The following TBC1D19 variants were observed in gnomAD, a reference collection of about 807,000 sequenced individuals.
TBC1D19 encodes TBC1 domain family, member 19.
In TBC1D19, 60 loss-of-function variants were observed where a neutral mutation model predicts 89.0. The ratio of observed to expected loss-of-function variants is 0.67; its 90% CI spans 0.55 to 0.84. TBC1D19 has a LOEUF of 0.84. TBC1D19 is among the 40% of genes least tolerant of loss of function. The pLI is 0.00. For missense variants in TBC1D19, 500 were observed against 610.8 expected, an observed-to-expected ratio of 0.82 and a Z score of 1.91; for synonymous variants, 189 against 199.7, an observed-to-expected ratio of 0.95 and a Z score of 0.45.
intron 14 of TBC1D19, among the ~76,000 whole-genome samples, chr4:26,719,442 C>T (rs1369497276): frequency 6.6e-6 from 1 of 152,030 alleles, no homozygotes; most frequent in Non-Finnish European, 1.5e-5. Context: ...GTTAGAAAAA[C>T]TGTCAAAGTA....
intron 1 of TBC1D19, among the ~76,000 whole-genome samples, chr4:26,601,600 T>A (rs1486032649): frequency 6.6e-6 from 1 of 152,190 alleles, no homozygotes; most frequent in Non-Finnish European, 1.5e-5. Context: ...ATAGGGTATT[T>A]CTAGAGAAAT....
chr4:26,679,270 C>G (rs1713119040), intron 11 of TBC1D19, among the ~76,000 whole-genome samples: 1 of 152,124 alleles, frequency 6.6e-6, no homozygotes, highest in Non-Finnish European at 1.5e-5. Flanking sequence ...TGTGCAGCCT[C>G]AGGACATGGT....
At chr4:26,743,182 G>A (rs553426617) in intron 18 of TBC1D19, among the ~76,000 whole-genome samples, 3 of 151,962 alleles carry the variant, frequency 2.0e-5, no homozygotes. Flanking sequence ...AAAAAAAAAT[G>A]TCTAAAGCAA....
chr4:26,695,757 A>T (rs182520532), intron 13 of TBC1D19, among the ~76,000 whole-genome samples: 45 of 152,308 alleles, frequency 3.0e-4, no homozygotes, highest in Non-Finnish European at 5.0e-4. Flanking sequence ...CCAGACAAAC[A>T]AAGCTTTGTA....
chr4:26,620,651 A>G lies in TBC1D19; in HGVS notation c.257A>G (p.His86Arg). 1.9e-6 allele frequency: 3 copies of G among 1,613,712 alleles called. No individual in the cohort carries two copies. The highest frequency in any genetic ancestry group is 2.5e-6 in the Non-Finnish European group (3 of 1,179,876). ...LPSHPAAPPE[H>R]LKEPLVYMRK... ...AGTCATCCTGCTGCACCTCCTGAAC[A>G]TCTTAAAGAACCTTTGGTATACATG... The change falls in exon 4 of 21, where the codon CAT (histidine) becomes CGT (arginine). Residue 86 changes from histidine (H) to arginine (R), a missense_variant. Physicochemically the swap from His to Arg is conservative, Grantham distance 29 (BLOSUM62 0). Around this residue, in one of 2 missense-constraint regions of TBC1D19, gnomAD observed 280 missense variants for 291.7 expected, o/e 0.96. Coordinates refer to ENST00000264866, the MANE Select transcript of TBC1D19 (RefSeq NM_018317.4).
chr4:26,724,148 G>A (rs1359012156), intron 15 of TBC1D19, among the ~76,000 whole-genome samples: 2 of 152,228 alleles, frequency 1.3e-5, no homozygotes, highest in Admixed American at 1.3e-4. Context: ...AAGATGGCCA[G>A]TGTGACTGGC....
chr4:26,754,664 C>G (rs189220540), intron 20 of TBC1D19, among the ~76,000 whole-genome samples: 3 of 152,230 alleles, frequency 2.0e-5, no homozygotes, highest in Non-Finnish European at 4.4e-5. Context: ...GGCTAACATC[C>G]AGGTTATTTT....
At chr4:26,640,231 A>G (rs765688368) in intron 7 of TBC1D19, 44 bp downstream of exon 7, 2 of 1,414,464 alleles carry the variant, frequency 1.4e-6, no homozygotes, top group East Asian at 2.3e-5. Flanking sequence ...TGAATGAATA[A>G]TGTGAATAAA....
intron 4 of TBC1D19, among the ~76,000 whole-genome samples, chr4:26,634,454 A>G (rs947269965): frequency 1.3e-5 from 2 of 152,106 alleles, no homozygotes; most frequent in Non-Finnish European, 2.9e-5. Flanking sequence ...AGCATCACCC[A>G]GGGTTTCAAG....
At chr4:26,730,721 C>G (rs990876198) in intron 15 of TBC1D19, among the ~76,000 whole-genome samples, 1 of 152,198 alleles carries the variant, frequency 6.6e-6, no homozygotes, top group African/African-American at 2.4e-5. Flanking sequence ...CCACTTCACA[C>G]CTTGGACAGG....
intron 1 of TBC1D19, among the ~76,000 whole-genome samples, chr4:26,601,569 G>C (rs1740612686): frequency 6.6e-6 from 1 of 152,196 alleles, no homozygotes; most frequent in Non-Finnish European, 1.5e-5. Context: ...CAGTAAGAAG[G>C]CTAAGCAGAG....
chr4:26,652,030 T>C (rs1744427629), intron 7 of TBC1D19, among the ~76,000 whole-genome samples: 1 of 152,102 alleles, frequency 6.6e-6, no homozygotes, highest in African/African-American at 2.4e-5. Context: ...GATTTGCATG[T>C]GTTTAACCAG....
At chr4:26,702,543 G>A (rs977602177) in intron 13 of TBC1D19, among the ~76,000 whole-genome samples, 1 of 152,124 alleles carries the variant, frequency 6.6e-6, no homozygotes, top group Admixed American at 6.5e-5. Flanking sequence ...CAAACAGTAA[G>A]TACTATAGGA....
At chr4:26,652,962 G>A (rs1322181630) in intron 7 of TBC1D19, among the ~76,000 whole-genome samples, 1 of 151,882 alleles carries the variant, frequency 6.6e-6, no homozygotes, top group Admixed American at 6.6e-5. Context: ...GTGATGTTAG[G>A]GTGTCAATTT....
chr4:26,595,546 ATG>A (rs1560404367), intron 1 of TBC1D19, among the ~76,000 whole-genome samples: 1 of 152,054 alleles, frequency 6.6e-6, no homozygotes, highest in African/African-American at 2.4e-5. Context: ...TTATATTTCT[ATG>A]TGTTACATTT....
Position 26,620,662 on chromosome 4 carries a change from C to A in TBC1D19, c.268C>A (p.Pro90Thr). The change falls in exon 4 of 21, where the codon CCT becomes ACT. Residue 90 changes from proline (P) to threonine (T), a missense_variant. Physicochemically the swap from Pro to Thr is conservative, Grantham distance 38. Transcript: ENST00000264866. ...TGCACCTCCTGAACATCTTAAAGAA[C>A]CTTTGGTATACATGAGGAAAGCACA... ...PAAPPEHLKE[P>T]LVYMRKAQGS... The A allele has an allele frequency of 6.2e-7, 1 of 1,613,598 alleles. No homozygotes were observed. Among genetic ancestry groups the A allele is most frequent in the South Asian group, 1.1e-5 (1 of 90,992 alleles).
intron 9 of TBC1D19, among the ~76,000 whole-genome samples, chr4:26,670,817 T>C (rs1428099356): frequency 6.6e-6 from 1 of 151,734 alleles, no homozygotes. Context: ...AATGAAATCA[T>C]ATAGTATATA....
chr4:26,590,158 G>A (rs1321545507), intron 1 of TBC1D19, among the ~76,000 whole-genome samples: 1 of 152,186 alleles, frequency 6.6e-6, no homozygotes, highest in Admixed American at 6.5e-5. Context: ...AGGTGAAGTA[G>A]TTTAGAATCT....
At chr4:26,727,577 G>A (rs908067900) in intron 15 of TBC1D19, among the ~76,000 whole-genome samples, 3 of 152,136 alleles carry the variant, frequency 2.0e-5, no homozygotes, top group East Asian at 1.9e-4. Context: ...AATTAACTCC[G>A]TTGTGCTTTG....
Sources: allele counts gnomAD v4.1 joint callset (sites outside exome capture counted in the v4.1 genomes callset), GRCh38; gene constraint gnomAD v4.1.1; regional missense constraint gnomAD v4.1.1; transcripts MANE v1.5; gene names NCBI Gene and HGNC (gene_info 2026-07-23, HGNC 2026-07-21).